EPSTI1: variants seen among roughly 807,000 people sequenced by gnomAD.
The protein encoded by EPSTI1 is epithelial-stromal interaction protein 1.
A neutral mutation model predicts 49.9 loss-of-function variants in EPSTI1; 66 were observed. The ratio of observed to expected loss-of-function variants is 1.32; its 90% confidence interval spans 1.08 to 1.62. The LOEUF (loss-of-function observed/expected upper bound fraction) is 1.62. Among genes scored for constraint, EPSTI1 ranks in the 40% most tolerant of loss-of-function variants. The pLI is 0.00. For synonymous variants in EPSTI1, 137 were observed against 130.7 expected, an observed-to-expected ratio of 1.05 and a Z score of -0.33; for missense variants, 394 against 365.5, an observed-to-expected ratio of 1.08 and a Z score of -0.64.
chr13:42,900,391 C>A lies in EPSTI1; in HGVS notation c.742-8G>T, dbSNP rs1229292092. ...CAGTTCCAGTAATTCACTCTAGGAA[C>A]AATAAAAGTTTTAAAATATGGTTTT... is the stretch of plus-strand genomic sequence containing the variant. On this transcript the variant is annotated splice_polypyrimidine_tract_variant and splice_region_variant and intron_variant, in intron 8 of 10. Coordinates refer to ENST00000313624, the MANE Select transcript of EPSTI1 (RefSeq NM_033255.5). 1 of 1,612,912 alleles carries A rather than the reference C, an allele frequency of 6.2e-7. No individual in the cohort carries two copies. The highest frequency in any genetic ancestry group is 8.5e-7 in the Non-Finnish European group (1 of 1,179,362).
intron 8 of EPSTI1, among the ~76,000 whole-genome samples, chr13:42,903,779 G>T (rs1244125087): frequency 6.6e-6 from 1 of 152,184 alleles, no homozygotes; most frequent in Non-Finnish European, 1.5e-5. Flanking sequence ...GAGCCTAGAA[G>T]ATGGGAATAG....
intron 6 of EPSTI1, among the ~76,000 whole-genome samples, chr13:42,935,661 G>A (rs1218592476): frequency 6.6e-6 from 1 of 151,832 alleles, no homozygotes; most frequent in African/African-American, 2.4e-5. Flanking sequence ...GCGTGATCTC[G>A]GCTCACTGCA....
intron 1 of EPSTI1, among the ~76,000 whole-genome samples, chr13:42,982,050 G>A (rs1475004449): frequency 6.6e-6 from 1 of 152,214 alleles, no homozygotes; most frequent in African/African-American, 2.4e-5. Flanking sequence ...ACCTTGAATA[G>A]GGGCTGGGTA....
chr13:42,933,614 TAA>T (rs1167231243), intron 6 of EPSTI1, among the ~76,000 whole-genome samples: 1 of 152,218 alleles, frequency 6.6e-6, no homozygotes, highest in African/African-American at 2.4e-5. Context: ...CTCATTTGTT[TAA>T]GATTTCAGCC....
intron 8 of EPSTI1, among the ~76,000 whole-genome samples, chr13:42,908,224 G>A (rs1305168755): frequency 6.6e-6 from 1 of 152,246 alleles, no homozygotes; most frequent in Non-Finnish European, 1.5e-5. Flanking sequence ...AGTGGTTCAT[G>A]CCTGTAATCC....
At chr13:42,933,238 G>T (rs1229154662) in intron 6 of EPSTI1, among the ~76,000 whole-genome samples, 4 of 147,158 alleles carry the variant, frequency 2.7e-5, no homozygotes, top group Non-Finnish European at 5.9e-5. Context: ...GCTAGATGAA[G>T]ATTTTATTGG....
intron 1 of EPSTI1, among the ~76,000 whole-genome samples, chr13:42,986,234 C>T (rs1454555925): frequency 1.3e-5 from 2 of 152,232 alleles, no homozygotes; most frequent in South Asian, 2.1e-4. Context: ...TAACAAGTTT[C>T]TCTGGCTGTC....
At chr13:42,911,401 GA>G (rs553829998) in intron 8 of EPSTI1, among the ~76,000 whole-genome samples, 8 of 151,976 alleles carry the variant, frequency 5.3e-5, no homozygotes, top group East Asian at 1.9e-4. Flanking sequence ...AAAGCATAGG[GA>G]AAAAAAATCT....
At chr13:42,963,939 C>T (rs2039533852) in intron 4 of EPSTI1, 127 bp downstream of exon 4, 2 of 714,128 alleles carry the variant, frequency 2.8e-6, no homozygotes, top group Non-Finnish European at 4.4e-6. Flanking sequence ...ATTCTGAAAG[C>T]TGCCTTTTGC....
intron 8 of EPSTI1, among the ~76,000 whole-genome samples, chr13:42,907,235 C>T (rs563055437): frequency 1.3e-5 from 2 of 152,128 alleles, no homozygotes. Context: ...GCAAGGTAGA[C>T]GTAGGTTTCA....
chr13:42,948,388 C>A (rs1234876518), intron 6 of EPSTI1, among the ~76,000 whole-genome samples: 2 of 150,632 alleles, frequency 1.3e-5, no homozygotes. Context: ...CTTCACTTCT[C>A]ACCAAGCTCT....
rs372383387 is a variant in EPSTI1, at chr13:42,943,381, C to T, written c.563+10567G>A. 4.6e-5 allele frequency among the ~76,000 whole-genome samples: 7 copies of T among 152,312 alleles called. No individual in the cohort carries two copies. In the East Asian group the frequency reaches 1.4e-3, roughly 29 times the overall value. On this transcript the variant is annotated intron_variant, in intron 6 of 10. Transcript: ENST00000313624. ...TCCTCTGCTGTCCTTGTTGGAGTTA[C>T]ACTGTATTCAGCGTCTCTTTCCAAA...
chr13:42,928,462 T>C (rs1287981376), intron 6 of EPSTI1, among the ~76,000 whole-genome samples: 1 of 152,164 alleles, frequency 6.6e-6, no homozygotes, highest in Non-Finnish European at 1.5e-5. Context: ...CCTTGGGGGT[T>C]CTTGGTATTA....
intron 6 of EPSTI1, among the ~76,000 whole-genome samples, chr13:42,932,707 A>G (rs1193958269): frequency 6.6e-6 from 1 of 152,216 alleles, no homozygotes; most frequent in African/African-American, 2.4e-5. Context: ...GGATATTAGT[A>G]TAGTCTTAAA....
chr13:42,897,135 CAA>C (rs2063666492), intron 9 of EPSTI1, among the ~76,000 whole-genome samples: 3 of 151,630 alleles, frequency 2.0e-5, no homozygotes, highest in African/African-American at 7.3e-5. Flanking sequence ...ACTTGGGACT[CAA>C]ACAGTCCAAG....
chr13:42,924,780 G>A (rs1385838349), intron 7 of EPSTI1, among the ~76,000 whole-genome samples: 1 of 152,114 alleles, frequency 6.6e-6, no homozygotes, highest in Non-Finnish European at 1.5e-5. Context: ...CATCACATTA[G>A]AAGCAGAAAG....
intron 6 of EPSTI1, among the ~76,000 whole-genome samples, chr13:42,940,714 C>T (rs2038725051): frequency 1.3e-5 from 2 of 152,228 alleles, no homozygotes; most frequent in Non-Finnish European, 2.9e-5. Flanking sequence ...GCCAGGACTA[C>T]AGGCACGTGC....
chr13:42,985,580 A>G (rs1035986550), intron 1 of EPSTI1, among the ~76,000 whole-genome samples: 2 of 152,220 alleles, frequency 1.3e-5, no homozygotes. Context: ...ATTGAGTAGC[A>G]AGATCCTCAG....
intron 1 of EPSTI1, 36 bp downstream of exon 1, chr13:42,991,942 G>C (rs1190101151): frequency 3.1e-6 from 5 of 1,610,492 alleles, no homozygotes; most frequent in Non-Finnish European, 4.2e-6. Context: ...TGGGGCCCGG[G>C]CTCCCGCCCC....
Sources: gnomAD v4.1 joint callset for allele counts (sites outside exome capture counted in the v4.1 genomes callset) on GRCh38, gnomAD v4.1.1 for gene constraint, MANE v1.5 for transcripts, NCBI Gene and HGNC (gene_info 2026-07-23, HGNC 2026-07-21) for gene names.